Variants in PDE8B observed in about 807,000 individuals in gnomAD.
PDE8B encodes the protein high affinity cAMP-specific and IBMX-insensitive 3',5'-cyclic phosphodiesterase 8B.
A neutral mutation model predicts 101.3 loss-of-function variants in PDE8B; 26 were observed. The ratio of observed to expected loss-of-function variants is 0.26; its 90% CI spans 0.19 to 0.36. The LOEUF (loss-of-function observed/expected upper bound fraction) is 0.36. PDE8B is among the 10% of genes least tolerant of loss of function. The pLI, the probability that PDE8B is intolerant of heterozygous loss-of-function variation, is 1.00. For missense variants in PDE8B, 810 were observed against 1,163.1 expected (o/e 0.70, Z 4.42); for synonymous variants, 424 against 429.3 (o/e 0.99, Z 0.15).
intron 1 of PDE8B, among the ~76,000 whole-genome samples, chr5:77,296,093 C>A (rs993240994): frequency 2.6e-5 from 4 of 152,134 alleles, no homozygotes; most frequent in Non-Finnish European, 5.9e-5. Context: ...TTGCTATAGC[C>A]AGGAAAATGA....
the PDE8B span, among the ~76,000 whole-genome samples, chr5:77,115,827 G>A: frequency 6.6e-6 from 1 of 152,140 alleles, no homozygotes; most frequent in Non-Finnish European, 1.5e-5. Flanking sequence ...ATTGTGTCCT[G>A]TTCTCTTAGC....
the PDE8B span, among the ~76,000 whole-genome samples, chr5:77,122,699 A>G: frequency 3.3e-5 from 5 of 152,230 alleles, no homozygotes; most frequent in East Asian, 7.7e-4. Context: ...CATTACCAAC[A>G]GGTCGTTCTA....
rs151289447 is a variant in PDE8B, at chr5:77,374,958, T to TAC, written c.1167+21571_1167+21572dup. On this transcript the variant is annotated intron_variant, in intron 10 of 21. Transcript: ENST00000264917. ...CCTACAGACTACAGACAGAACCAGA[T>TAC]ACACACACACACACACACACCCAAC... 5.6e-3 allele frequency among the ~76,000 whole-genome samples: 846 copies of TAC among 150,568 alleles called. 8 individuals are homozygous for TAC. Among genetic ancestry groups the TAC allele is most frequent in the South Asian group, 0.01 (50 of 4,766 alleles).
chr5:77,220,626 CA>C (rs1450703645), intron 1 of PDE8B, among the ~76,000 whole-genome samples: 1 of 152,132 alleles, frequency 6.6e-6, no homozygotes, highest in Non-Finnish European at 1.5e-5. Flanking sequence ...TAGGTTAGCA[CA>C]AAAAAGTTTT....
At chr5:77,341,223 AG>A (rs1779157541) in intron 6 of PDE8B, among the ~76,000 whole-genome samples, 1 of 152,160 alleles carries the variant, frequency 6.6e-6, no homozygotes, top group African/African-American at 2.4e-5. Context: ...AGAGGTTGAG[AG>A]CCTGAATAAA....
At chr5:77,312,105 CTTTTT>C in intron 2 of PDE8B, 52 bp downstream of exon 2, 31 of 870,892 alleles carry the variant, frequency 3.6e-5, no homozygotes, top group Non-Finnish European at 4.4e-5. Context: ...TTTTTTTTTT[CTTTTT>C]TTTTTTTTTT....
intron 10 of PDE8B, among the ~76,000 whole-genome samples, chr5:77,353,749 T>C (rs1404719452): frequency 6.6e-6 from 1 of 152,166 alleles, no homozygotes; most frequent in Non-Finnish European, 1.5e-5. Flanking sequence ...ATTTGAGCAT[T>C]GCACCCCTAC....
At chr5:77,130,665 G>A in the PDE8B span, among the ~76,000 whole-genome samples, 1 of 151,806 alleles carries the variant, frequency 6.6e-6, no homozygotes, top group Non-Finnish European at 1.5e-5. Flanking sequence ...ACCCCCATGG[G>A]GCTGTTCTCC....
chr5:77,419,645 C>A, intron 18 of PDE8B, 122 bp from the exon 19 acceptor site: 1 of 1,134,626 alleles, frequency 8.8e-7, no homozygotes, highest in Non-Finnish European at 1.3e-6. Flanking sequence ...GATCTGCACA[C>A]ATTTCTTAAC....
At chr5:77,140,014 G>C in the PDE8B span, 2 of 152,088 alleles carry the variant, frequency 1.3e-5, no homozygotes, top group African/African-American at 4.8e-5. Flanking sequence ...TTTCAGCAGG[G>C]ATTTCTCCCC....
chr5:77,337,779 A>C (rs923706572), intron 6 of PDE8B, among the ~76,000 whole-genome samples: 1 of 152,230 alleles, frequency 6.6e-6, no homozygotes, highest in Admixed American at 6.5e-5. Flanking sequence ...ATATGCATGA[A>C]GTAGCTTTAA....
the PDE8B span, chr5:77,166,667 G>A: frequency 6.6e-6 from 1 of 152,108 alleles, no homozygotes; most frequent in Non-Finnish European, 1.5e-5. Context: ...TATTTTTCTA[G>A]GCAGCAGATG....
intron 1 of PDE8B, among the ~76,000 whole-genome samples, chr5:77,300,306 T>A (rs112210221): frequency 2.1e-4 from 32 of 152,214 alleles, no homozygotes; most frequent in African/African-American, 7.5e-4. Context: ...TTTGAACCGT[T>A]TTTTAAAAGA....
the PDE8B span, chr5:77,114,712 T>TA: frequency 8.7e-4 from 132 of 152,244 alleles, no homozygotes; most frequent in African/African-American, 3.1e-3. Context: ...AGAGGAAAGT[T>TA]AAAAAAATAA....
At chr5:77,125,862 A>G in the PDE8B span, among the ~76,000 whole-genome samples, 24 of 152,218 alleles carry the variant, frequency 1.6e-4, no homozygotes, top group Non-Finnish European at 3.1e-4. Context: ...GGGTGATAAA[A>G]AAAATTCTGG....
intron 7 of PDE8B, 68 bp from the exon 8 acceptor site, chr5:77,349,351 G>T: frequency 6.3e-7 from 1 of 1,595,738 alleles, no homozygotes; most frequent in Non-Finnish European, 8.6e-7. Flanking sequence ...TTCCTACGGG[G>T]CACACAGACA....
chr5:77,146,894 A>G, the PDE8B span: 1 of 416,130 alleles, frequency 2.4e-6, no homozygotes, highest in Non-Finnish European at 4.8e-6. Flanking sequence ...TTCTGTTCTG[A>G]GTATTGCCCG....
the PDE8B span, among the ~76,000 whole-genome samples, chr5:77,116,732 T>A: frequency 3.9e-5 from 6 of 152,166 alleles, no homozygotes; most frequent in Non-Finnish European, 8.8e-5. Context: ...GTAATAGGAT[T>A]TTACTAAATA....
the PDE8B span, among the ~76,000 whole-genome samples, chr5:77,196,181 TA>T: frequency 6.6e-6 from 1 of 152,218 alleles, no homozygotes; most frequent in Non-Finnish European, 1.5e-5. Flanking sequence ...ACTTGACCCA[TA>T]CCGAATATAT....
Sources: allele counts gnomAD v4.1 joint callset (sites outside exome capture counted in the v4.1 genomes callset), GRCh38; gene constraint gnomAD v4.1.1; transcripts MANE v1.5; gene names NCBI Gene and HGNC (gene_info 2026-07-23, HGNC 2026-07-21).